Variants in FSCN2 observed in about 807,000 individuals in gnomAD.
FSCN2 encodes fascin-2.
Under a neutral mutation model 37.8 loss-of-function variants are expected in FSCN2, and 46 were observed. The ratio of observed to expected loss-of-function variants is 1.22; its 90% CI spans 0.96 to 1.56. The LOEUF (loss-of-function observed/expected upper bound fraction) is 1.56. FSCN2 is among the 40% of genes most tolerant of loss of function. The pLI, the probability that FSCN2 is intolerant of heterozygous loss-of-function variation, is 0.00. For synonymous variants in FSCN2, 351 were observed against 309.4 expected, an observed-to-expected ratio of 1.13 and a Z score of -1.41; for missense variants, 844 against 730.4, an observed-to-expected ratio of 1.16 and a Z score of -1.79.
chr17:81,536,800 G>A lies in FSCN2; in HGVS notation c.1273+11G>A, dbSNP rs1358666076. The stretch of plus-strand genomic sequence containing the variant: ...CCTACCGGATCCGAGGTGCGTGGCG[G>A]GGCGGGTGGGCACGCGGGAGCGGGG... On this transcript the variant is annotated intron_variant, in intron 4 of 4. Coordinates refer to ENST00000417245, the MANE Select transcript of FSCN2 (RefSeq NM_012418.4). The A allele has an allele frequency of 3.8e-6, 6 of 1,574,060 alleles. No individual in the cohort carries two copies. The highest frequency in any genetic ancestry group is 2.7e-5 in the African/African-American group (2 of 74,052).
At chr17:81,535,370 C>A (rs1248117613) in intron 2 of FSCN2, among the ~76,000 whole-genome samples, 162 bp downstream of exon 2, 2 of 138,598 alleles carry the variant, frequency 1.4e-5, no homozygotes, top group East Asian at 4.2e-4. Context: ...CCATCTCCAT[C>A]ACCATCATCG....
intron 1 of FSCN2, 83 bp from the exon 2 acceptor site, chr17:81,534,969 C>A: frequency 9.5e-7 from 1 of 1,048,348 alleles, no homozygotes; most frequent in South Asian, 1.7e-5. Flanking sequence ...CCTCTGGCTT[C>A]AGGGGTGCCC....
chr17:81,515,207 G>C, the FSCN2 span, among the ~76,000 whole-genome samples: 3 of 152,190 alleles, frequency 2.0e-5, 1 homozygote, highest in South Asian at 6.2e-4. Flanking sequence ...TTTAGCAGCG[G>C]GGCCTCGCCC....
Position 81,536,773 on chromosome 17 carries a change from C to A in FSCN2, c.1257C>A (p.Gly419=). 6.2e-7 allele frequency: 1 copy of A among 1,602,618 alleles called. No individual in the cohort carries two copies. The highest frequency in any genetic ancestry group is 1.1e-5 in the South Asian group (1 of 89,926). The change falls in exon 4 of 5, where the codon GGC becomes GGA. Residue 419 remains glycine, a synonymous_variant. Transcript: ENST00000417245. ...TCTTCCACCTGAGCTTCAGCGACGG[C>A]GCCTACCGGATCCGAGGTGCGTGGC... ...YDVFHLSFSD[G]AYRIRGRDGG...
rs978246575 is a variant in FSCN2, at chr17:81,536,133, C to T, written c.984-13C>T. On this transcript the variant is annotated splice_polypyrimidine_tract_variant and intron_variant, in intron 2 of 4. Coordinates refer to ENST00000417245, the MANE Select transcript of FSCN2 (RefSeq NM_012418.4). ...CCTGCTGTCCTGAGGAGACCTTTTG[C>T]TGCTCCCTCCAGTTCTGCCAACACC... The T allele has an allele frequency of 1.2e-6, 2 of 1,605,480 alleles. No homozygotes were observed. Among genetic ancestry groups the T allele is most frequent in the South Asian group, 2.2e-5 (2 of 89,372 alleles).
chr17:81,536,472 C>A, intron 3 of FSCN2, 150 bp from the exon 4 acceptor site: 2 of 1,513,556 alleles, frequency 1.3e-6, no homozygotes, highest in South Asian at 1.2e-5. Context: ...TGCTGGGAAC[C>A]CCCTAGGCGC....
chr17:81,518,822 G>A, the FSCN2 span, among the ~76,000 whole-genome samples: 1 of 152,242 alleles, frequency 6.6e-6, no homozygotes, highest in Non-Finnish European at 1.5e-5. Flanking sequence ...CTGGCGCCAC[G>A]CGGAAAAGGG....
intron 1 of FSCN2, among the ~76,000 whole-genome samples, chr17:81,532,403 A>AGTGATGGTGATGATG (rs1555671528): frequency 0.091 from 4,695 of 51,780 alleles, 422 homozygotes; most frequent in African/African-American, 0.27. Context: ...TGGTGATGAT[A>AGTGATGGTGATGATG]GTGATGGTGA....
the FSCN2 span, among the ~76,000 whole-genome samples, chr17:81,516,934 G>A: frequency 6.7e-6 from 1 of 149,010 alleles, no homozygotes; most frequent in Admixed American, 6.6e-5. Flanking sequence ...GTCTCTGCAT[G>A]TTTTGTCCAA....
chr17:81,520,924 T>C, the FSCN2 span, among the ~76,000 whole-genome samples: 36 of 152,332 alleles, frequency 2.4e-4, no homozygotes, highest in African/African-American at 8.2e-4. Flanking sequence ...TTGGGCATTA[T>C]ACCTTCTGGA....
chr17:81,530,725 C>A, intron 1 of FSCN2: 1 of 427,752 alleles, frequency 2.3e-6, no homozygotes, highest in East Asian at 7.4e-5. Context: ...AGGCCCCACC[C>A]TGTGCATGGA....
chr17:81,531,807 A>G (rs1468303670), intron 1 of FSCN2, among the ~76,000 whole-genome samples: 13 of 93,080 alleles, frequency 1.4e-4, no homozygotes, highest in Admixed American at 2.2e-4. Flanking sequence ...GATAATGGTG[A>G]TGATGGTGGT....
At chr17:81,532,464 A>ATGG (rs1156618532) in intron 1 of FSCN2, among the ~76,000 whole-genome samples, 1 of 128,982 alleles carries the variant, frequency 7.8e-6, no homozygotes, top group Non-Finnish European at 1.6e-5. Flanking sequence ...GGTGGTGGTG[A>ATGG]TGGTGGTGGT....
chr17:81,516,420 A>G, the FSCN2 span, among the ~76,000 whole-genome samples: 1 of 152,208 alleles, frequency 6.6e-6, no homozygotes, highest in Non-Finnish European at 1.5e-5. Flanking sequence ...AAGGCAAGCA[A>G]AGCTTCCCTA....
Position 81,535,109 on chromosome 17 carries a change from A to G in FSCN2, c.884A>G (p.Gln295Arg). The G allele has an allele frequency of 6.5e-7, 1 of 1,534,062 alleles. No individual in the cohort carries two copies. Among genetic ancestry groups the G allele is most frequent in the Non-Finnish European group, 8.7e-7 (1 of 1,145,316 alleles). The change falls in exon 2 of 5, where the codon CAA becomes CGA. Residue 295 changes from glutamine (Q) to arginine (R), a missense_variant. By Grantham distance (43) the Gln-to-Arg change is conservative (BLOSUM62 1). Transcript: ENST00000417245. ...CTAGACCACGAGACCTTCCTGATGC[A>G]AATTGACCAGGAGACAAAGAAGTGC... Reference protein sequence around the residue: ...DELDHETFLMQIDQETKKCTF... With the variant: ...DELDHETFLMRIDQETKKCTF...
rs1226876329 is a variant in FSCN2, at chr17:81,535,226, TTCC to T, written c.983+25_983+27del. The T allele has an allele frequency of 2.0e-6, 3 of 1,508,022 alleles. No individual in the cohort carries two copies. Among genetic ancestry groups the T allele is most frequent in the South Asian group, 1.2e-5 (1 of 81,838 alleles). The allele number at this position is 1,508,022 out of a possible 1,614,324, so 93.4% of individuals were successfully genotyped here. On this transcript the variant is annotated intron_variant, in intron 2 of 4. Coordinates refer to ENST00000417245, the MANE Select transcript of FSCN2 (RefSeq NM_012418.4). The stretch of plus-strand genomic sequence containing the variant: ...ACACAAGTGTGAGTGCACACATCCC[TTCC>T]TCCTCCATCATCCCCATCCCCACCA...
chr17:81,536,984 C>T lies in FSCN2; in HGVS notation c.1383C>T (p.Ile461=), dbSNP rs931433742. 11 of 1,533,522 alleles carry T rather than the reference C, an allele frequency of 7.2e-6. No individual in the cohort carries two copies. The African/African-American group carries it at 1.3e-4, about 18-fold the overall frequency. The allele number at this position is 1,533,522 out of a possible 1,614,324, so 95.0% of individuals were successfully genotyped here. A position where few individuals can be genotyped will look rare whatever the true frequency, so the allele number is the denominator to read the frequency against. ...FEFRERGRLA[I]RARSGKYLRG... Reference sequence around the variant, plus strand: ...TCCGTGAGCGCGGCCGCCTGGCCATCCGCGCCCGGAGCGGCAAGTACCTGC... The same window carrying T: ...TCCGTGAGCGCGGCCGCCTGGCCATTCGCGCCCGGAGCGGCAAGTACCTGC... The change falls in exon 5 of 5, where the codon ATC becomes ATT. Residue 461 remains isoleucine, a synonymous_variant. Coordinates refer to ENST00000417245, the MANE Select transcript of FSCN2 (RefSeq NM_012418.4).
upstream of FSCN2, among the ~76,000 whole-genome samples, chr17:81,528,219 C>G (rs921333367): frequency 2.2e-4 from 33 of 152,340 alleles, no homozygotes; most frequent in African/African-American, 7.5e-4. Context: ...CTCAGGCCCT[C>G]GGGCTCTGGG....
intron 1 of FSCN2, among the ~76,000 whole-genome samples, chr17:81,533,415 G>A (rs544066775): frequency 2.0e-4 from 30 of 152,196 alleles, no homozygotes; most frequent in African/African-American, 6.0e-4. Flanking sequence ...ACTATCACCC[G>A]CTCAGCAGCT....
Sources: gnomAD v4.1 joint callset for allele counts (sites outside exome capture counted in the v4.1 genomes callset) on GRCh38, gnomAD v4.1.1 for gene constraint, MANE v1.5 for transcripts, NCBI Gene and HGNC (gene_info 2026-07-23, HGNC 2026-07-21) for gene names.